Variants in GRIP1 observed in about 807,000 individuals in gnomAD.
GRIP1 encodes glutamate receptor-interacting protein 1.
A neutral mutation model predicts 129.9 loss-of-function variants in GRIP1; 45 were observed. The ratio of observed to expected loss-of-function variants is 0.35; its 90% CI spans 0.27 to 0.44. GRIP1 has a LOEUF of 0.44. Among genes scored for constraint, GRIP1 ranks in the 20% least tolerant of loss-of-function variants. The probability of loss-of-function intolerance (pLI) is 1.00; values close to 1 mark genes in which losing one functional copy is unlikely to be tolerated. For missense variants in GRIP1, 1,196 were observed against 1,396.8 expected, an observed-to-expected ratio of 0.86 and a Z score of 2.29; for synonymous variants, 530 against 520.8, an observed-to-expected ratio of 1.02 and a Z score of -0.24.
At chr12:66,899,118 A>T (rs2040801133) in intron 1 of GRIP1, among the ~76,000 whole-genome samples, 2 of 152,104 alleles carry the variant, frequency 1.3e-5, no homozygotes, top group Admixed American at 6.6e-5. Flanking sequence ...ATTTATGTCC[A>T]TATTGCTTCT....
chr12:67,001,463 C>G (rs1007210350), intron 1 of GRIP1, among the ~76,000 whole-genome samples: 1 of 152,098 alleles, frequency 6.6e-6, no homozygotes, highest in Non-Finnish European at 1.5e-5. Context: ...CCAGTGTAGA[C>G]CAGAGGTCAC....
chr12:66,512,433 T>C (rs1483183004), intron 7 of GRIP1, among the ~76,000 whole-genome samples: 5 of 152,072 alleles, frequency 3.3e-5, no homozygotes, highest in Non-Finnish European at 5.9e-5. Context: ...GTTCCTTATC[T>C]AATTTAAGAT....
intron 1 of GRIP1, among the ~76,000 whole-genome samples, chr12:66,670,983 C>T (rs891433411): frequency 2.6e-5 from 4 of 152,100 alleles, no homozygotes; most frequent in South Asian, 2.1e-4. Context: ...GCTGCCAGTA[C>T]GTTAGGTCCA....
At chr12:66,550,299 T>C (rs1735415455) in intron 2 of GRIP1, among the ~76,000 whole-genome samples, 1 of 152,208 alleles carries the variant, frequency 6.6e-6, no homozygotes, top group South Asian at 2.1e-4. Flanking sequence ...AAGGAACTTA[T>C]GGTAATAACC....
chr12:66,868,899 T>C, intron 1 of GRIP1, among the ~76,000 whole-genome samples: 1 of 152,168 alleles, frequency 6.6e-6, no homozygotes, highest in East Asian at 1.9e-4. Context: ...ACTTGTCGTT[T>C]ACAAAGTTAT....
chr12:66,498,014 G>A (rs1386846565), intron 7 of GRIP1, among the ~76,000 whole-genome samples: 1 of 152,022 alleles, frequency 6.6e-6, no homozygotes, highest in Non-Finnish European at 1.5e-5. Context: ...CCCCCACTGG[G>A]CACCTTGCGA....
At chr12:66,910,848 A>G (rs1290541640) in intron 1 of GRIP1, among the ~76,000 whole-genome samples, 2 of 152,186 alleles carry the variant, frequency 1.3e-5, no homozygotes, top group Non-Finnish European at 1.5e-5. Flanking sequence ...ATAGAATTCC[A>G]CTTAACCAGA....
chr12:66,596,304 A>C (rs1463695504), intron 2 of GRIP1, among the ~76,000 whole-genome samples: 3 of 152,206 alleles, frequency 2.0e-5, no homozygotes, highest in Non-Finnish European at 2.9e-5. Context: ...TTTCTTCAAA[A>C]TGTTTTGTTG....
At chr12:66,680,222 A>C (rs1461207877), upstream of GRIP1, among the ~76,000 whole-genome samples, 1 of 152,222 alleles carries the variant, frequency 6.6e-6, no homozygotes, top group Middle Eastern at 3.2e-3. Flanking sequence ...CAGGCTGTGA[A>C]AAAACTTTCA....
At chr12:66,893,943 T>C (rs1433578129) in intron 1 of GRIP1, among the ~76,000 whole-genome samples, 3 of 152,096 alleles carry the variant, frequency 2.0e-5, no homozygotes, top group Non-Finnish European at 4.4e-5. Flanking sequence ...CCGCTCTAGC[T>C]TCATCTCTAT....
chr12:66,987,207 G>A (rs933963860), intron 1 of GRIP1, among the ~76,000 whole-genome samples: 3 of 152,176 alleles, frequency 2.0e-5, no homozygotes, highest in Non-Finnish European at 4.4e-5. Context: ...CCTGCTACCA[G>A]AATGTAAGTT....
chr12:66,726,447 A>G (rs2036256080), intron 1 of GRIP1, among the ~76,000 whole-genome samples: 1 of 152,188 alleles, frequency 6.6e-6, no homozygotes, highest in African/African-American at 2.4e-5. Flanking sequence ...TAGACGCCTG[A>G]AAGAATATAG....
chr12:66,814,978 C>G (rs1235760601), intron 1 of GRIP1, among the ~76,000 whole-genome samples: 1 of 152,160 alleles, frequency 6.6e-6, no homozygotes, highest in Non-Finnish European at 1.5e-5. Context: ...ATCCAATTAC[C>G]TCCACCTGGT....
chr12:66,869,609 A>G (rs2040262538), intron 1 of GRIP1, among the ~76,000 whole-genome samples: 1 of 152,152 alleles, frequency 6.6e-6, no homozygotes, highest in Admixed American at 6.6e-5. Flanking sequence ...TAAATGGCAA[A>G]GAAAATGGCA....
At chr12:66,495,755 C>T (rs1002304662) in intron 7 of GRIP1, among the ~76,000 whole-genome samples, 3 of 152,046 alleles carry the variant, frequency 2.0e-5, no homozygotes, top group South Asian at 2.1e-4. Context: ...TTCCACAAGG[C>T]GAATGTACCA....
At chr12:66,933,162 A>C (rs934949184) in intron 1 of GRIP1, among the ~76,000 whole-genome samples, 1 of 152,202 alleles carries the variant, frequency 6.6e-6, no homozygotes, top group Non-Finnish European at 1.5e-5. Flanking sequence ...GATGTAATGT[A>C]ACTTCTTTCT....
intron 1 of GRIP1, among the ~76,000 whole-genome samples, chr12:66,720,107 G>A (rs2036015102): frequency 6.6e-6 from 1 of 152,084 alleles, no homozygotes; most frequent in Admixed American, 6.6e-5. Flanking sequence ...GGCATACCTT[G>A]GAGATATTGC....
intron 1 of GRIP1, among the ~76,000 whole-genome samples, chr12:66,959,564 C>T (rs2041892533): frequency 6.6e-6 from 1 of 152,130 alleles, no homozygotes. Flanking sequence ...TGATACAGTA[C>T]ATTTTCTTGC....
At chr12:67,027,741 A>G (rs756034066) in intron 1 of GRIP1, among the ~76,000 whole-genome samples, 1 of 152,230 alleles carries the variant, frequency 6.6e-6, no homozygotes, top group Non-Finnish European at 1.5e-5. Flanking sequence ...GTTCAGGGCC[A>G]GTGGTGCACA....
Sources: allele counts gnomAD v4.1 joint callset (sites outside exome capture counted in the v4.1 genomes callset), GRCh38; gene constraint gnomAD v4.1.1; transcripts MANE v1.5; gene names NCBI Gene and HGNC (gene_info 2026-07-23, HGNC 2026-07-21).